Variants in FBXL18 observed in about 807,000 individuals in gnomAD.
FBXL18 encodes F-box and leucine rich repeat protein 18.
FBXL18 carries 36 observed loss-of-function variants against 46.0 expected under a neutral mutation model. The observed-to-expected ratio is 0.78, with a 90% CI of 0.60 to 1.03. The LOEUF is 1.03. Ranked by LOEUF, FBXL18 falls within the 50% of genes least tolerant of loss-of-function variation. FBXL18 has a pLI of 0.00. For synonymous variants in FBXL18, 557 were observed against 465.3 expected (o/e 1.20, Z -2.54); for missense variants, 977 against 1,004.1 (o/e 0.97, Z 0.36).
chr7:5,485,019 C>A (rs1334445499), intron 4 of FBXL18, among the ~76,000 whole-genome samples: 1 of 152,104 alleles, frequency 6.6e-6, no homozygotes, highest in African/African-American at 2.4e-5. Context: ...TGGGCTCAAA[C>A]AATCCTCCCC....
intron 4 of FBXL18, among the ~76,000 whole-genome samples, chr7:5,470,506 G>A (rs1783409899): frequency 6.6e-6 from 1 of 152,152 alleles, no homozygotes; most frequent in African/African-American, 2.4e-5. Context: ...CCGCAGTTCT[G>A]AGCTGCCCAG....
chr7:5,463,931 G>A (rs1005214803), intron 4 of FBXL18, among the ~76,000 whole-genome samples: 19 of 151,098 alleles, frequency 1.3e-4, no homozygotes, highest in African/African-American at 4.4e-4. Context: ...AGTAGAGACG[G>A]GGTTTCGCCA....
At chr7:5,502,211 G>A (rs1302188630) in intron 2 of FBXL18, among the ~76,000 whole-genome samples, 180 bp from the exon 3 acceptor site, 1 of 152,192 alleles carries the variant, frequency 6.6e-6, no homozygotes, top group Non-Finnish European at 1.5e-5. Context: ...CAGCTAAGTG[G>A]GACTGGTAGA....
At position 5,501,410 on chromosome 7, in the gene FBXL18, C is replaced by A. The variant is rs1166381965; in HGVS notation, c.859G>T (p.Ala287Ser). 2 of 1,613,680 alleles carry A rather than the reference C, an allele frequency of 1.2e-6. No individual in the cohort carries two copies. Reference sequence around the variant, plus strand: ...AGGGCATCCAGCACGACATTGCGCGCCATGGAGTCCAGGAGGTTCTTGGTG... The same window carrying A: ...AGGGCATCCAGCACGACATTGCGCGACATGGAGTCCAGGAGGTTCTTGGTG... ...GATKNLLDSM[A>S]RNVVLDALQL... is the part of the protein sequence containing the mutation. Residue 287 changes from alanine (A) to serine (S), a missense_variant, in exon 3 of 5, where the codon GCG becomes TCG. Physicochemically the swap from Ala to Ser is moderately conservative, Grantham distance 99. Coordinates refer to ENST00000382368, the MANE Select transcript of FBXL18 (RefSeq NM_024963.6).
Position 5,507,602 on chromosome 7 carries a change from G to A in FBXL18, c.19-1972C>T, listed in dbSNP as rs142068524. Among the ~76,000 whole-genome samples, 707 of 152,040 alleles carry A rather than the reference G, an allele frequency of 4.7e-3. 6 individuals are homozygous for A. The highest frequency in any genetic ancestry group is 0.017 in the Middle Eastern group (5 of 294). On this transcript the variant is annotated intron_variant, in intron 1 of 4. Transcript: ENST00000382368. ...TGTAATCCCAGCAGTTTGGGAGGCC[G>A]AGGCGGGGAAATCACAAGGTCAAGA...
At chr7:5,489,048 GC>G (rs1461518810) in intron 4 of FBXL18, 3 of 302,350 alleles carry the variant, frequency 9.9e-6, no homozygotes, top group African/African-American at 2.2e-5. Context: ...CACCCAGGCT[GC>G]CCCCCTGGTT....
At chr7:5,471,711 C>G (rs368730646), downstream of FBXL18, among the ~76,000 whole-genome samples, 2 of 152,194 alleles carry the variant, frequency 1.3e-5, no homozygotes, top group African/African-American at 4.8e-5. Context: ...GCCACATGGA[C>G]AAAGGCCAGG....
chr7:5,489,883 T>A, intron 4 of FBXL18: 2 of 755,880 alleles, frequency 2.6e-6, no homozygotes, highest in South Asian at 3.4e-5. Context: ...AAGCAGAGGT[T>A]GCAGTGAGCT....
chr7:5,485,620 C>T (rs1345795439), intron 4 of FBXL18, among the ~76,000 whole-genome samples: 1 of 151,540 alleles, frequency 6.6e-6, no homozygotes, highest in African/African-American at 2.4e-5. Flanking sequence ...TCAAGACCAC[C>T]CCGGGGGCTA....
intron 4 of FBXL18, among the ~76,000 whole-genome samples, chr7:5,466,219 C>T (rs910097961): frequency 6.6e-6 from 1 of 151,920 alleles, no homozygotes; most frequent in East Asian, 1.9e-4. Flanking sequence ...ACCAGAAACC[C>T]TTCCATCTGG....
Position 5,499,230 on chromosome 7 carries a change from C to A in FBXL18, c.1781+1258G>T, listed in dbSNP as rs150979655. Among the ~76,000 whole-genome samples the A allele has an allele frequency of 5.5e-3, 843 of 152,314 alleles. 7 individuals carry two copies. Among genetic ancestry groups the A allele is most frequent in the African/African-American group, 0.019 (800 of 41,576 alleles). On this transcript the variant is annotated intron_variant, in intron 3 of 4. Transcript: ENST00000382368. ...AGTCCATCTGGGATGCCCAGGGAGG[C>A]TGCTCCCTCTCCCGGGTGAAACCCC...
chr7:5,460,613 C>A (rs1783230546), intron 4 of FBXL18, among the ~76,000 whole-genome samples: 1 of 152,270 alleles, frequency 6.6e-6, no homozygotes, highest in Middle Eastern at 3.4e-3. Context: ...GCCACGACAC[C>A]AGCTAATTTT....
chr7:5,509,959 T>C (rs1562709001), intron 1 of FBXL18, among the ~76,000 whole-genome samples: 1 of 151,928 alleles, frequency 6.6e-6, no homozygotes, highest in Non-Finnish European at 1.5e-5. Context: ...TTTGTTAAGT[T>C]AAGGCACCTT....
intron 4 of FBXL18, among the ~76,000 whole-genome samples, chr7:5,463,728 A>ATTTATT (rs1562672288): frequency 1.1e-4 from 6 of 53,008 alleles, no homozygotes; most frequent in African/African-American, 4.8e-4. Context: ...TTATTTATTT[A>ATTTATT]TTTTTTTTTT....
chr7:5,466,153 A>G (rs1261985886), intron 4 of FBXL18, among the ~76,000 whole-genome samples: 1 of 151,820 alleles, frequency 6.6e-6, no homozygotes, highest in Non-Finnish European at 1.5e-5. Context: ...AGTCTGGTAA[A>G]AGACATCAGA....
chr7:5,498,520 G>C (rs547568808), intron 3 of FBXL18, among the ~76,000 whole-genome samples: 1 of 152,378 alleles, frequency 6.6e-6, no homozygotes, highest in South Asian at 2.1e-4. Flanking sequence ...CTGGCAAAGT[G>C]CTGGGATTAC....
rs1407049046 is a variant in FBXL18 at position 5,479,662 on chromosome 7, G to T, written c.*2113C>A. On this transcript the variant is annotated 3_prime_UTR_variant, in exon 5 of 5. Transcript: ENST00000382368. ...TGCGGCCTGCAGACTAGGAGACGGG[G>T]CCTAGGGGTGTGGCTCTCACAGGCC... The T allele has an allele frequency of 6.6e-6, 1 of 152,526 alleles. No homozygotes were observed. The highest frequency in any genetic ancestry group is 1.5e-5 in the Non-Finnish European group (1 of 68,288). The allele number at this position is 152,526 out of a possible 1,614,324, so 9.4% of individuals were successfully genotyped here. A position where few individuals can be genotyped will look rare whatever the true frequency, so the allele number is the denominator to read the frequency against.
intron 4 of FBXL18, among the ~76,000 whole-genome samples, chr7:5,461,827 G>C (rs1783250501): frequency 6.6e-6 from 1 of 152,198 alleles, no homozygotes; most frequent in African/African-American, 2.4e-5. Flanking sequence ...TGTAGTCCCA[G>C]CTACTCGAGA....
chr7:5,463,728 A>ATTTT lies in FBXL18; in HGVS notation c.2001-15889_2001-15886dup, dbSNP rs552002078. 5.9e-3 allele frequency among the ~76,000 whole-genome samples: 315 copies of ATTTT among 53,034 alleles called. 5 individuals are homozygous for ATTTT. Among genetic ancestry groups the ATTTT allele is most frequent in the Middle Eastern group, 0.02 (2 of 102 alleles). The allele number at this position is 53,034 out of a possible 152,430, so 34.8% of individuals were successfully genotyped here. On this transcript the variant is annotated intron_variant and NMD_transcript_variant, in intron 4 of 6. Transcript: ENST00000415009. The stretch of plus-strand genomic sequence containing the variant: ...TATTTATTTATTTATTTATTTATTT[A>ATTTT]TTTTTTTTTTTTTTTTTTTTTTTTT...
Sources: gnomAD v4.1 joint callset for allele counts (sites outside exome capture counted in the v4.1 genomes callset) on GRCh38, gnomAD v4.1.1 for gene constraint, MANE v1.5 for transcripts, NCBI Gene and HGNC (gene_info 2026-07-23, HGNC 2026-07-21) for gene names.